SLC5A12: variants seen among roughly 807,000 people sequenced by gnomAD.
SLC5A12 encodes solute carrier family 5 member 12.
In SLC5A12, 46 loss-of-function variants were observed where a neutral mutation model predicts 72.7. The observed-to-expected ratio is 0.63, with a 90% CI of 0.50 to 0.81. The LOEUF (loss-of-function observed/expected upper bound fraction) is 0.81, where lower values mean the gene tolerates loss of function less well. Ranked by LOEUF, SLC5A12 falls within the 30% of genes least tolerant of loss-of-function variation. SLC5A12 has a pLI of 0.00. For missense variants in SLC5A12, 683 were observed against 740.7 expected (o/e 0.92, Z 0.90); for synonymous variants, 275 against 264.4 (o/e 1.04, Z -0.39).
chr11:26,680,393 TC>T lies in SLC5A12; in HGVS notation c.1475+661del, dbSNP rs1854380284. Among the ~76,000 whole-genome samples, 7 of 65,016 alleles carry T rather than the reference TC, an allele frequency of 1.1e-4. No individual in the cohort carries two copies. In the South Asian group the frequency reaches 4.2e-3, roughly 39 times the overall value. 42.7% of individuals were successfully genotyped at this position (65,016 alleles called of 152,430 possible). A position where few individuals can be genotyped will look rare whatever the true frequency, so the allele number is the denominator to read the frequency against. On this transcript the variant is annotated intron_variant, in intron 12 of 14. Coordinates refer to ENST00000396005, the MANE Select transcript of SLC5A12 (RefSeq NM_178498.4). ...TATTCATATATATATGTATATATAT[TC>T]ATATATATATATATATTTCCTCATT...
chr11:26,719,308 G>A (rs934104722), intron 1 of SLC5A12, among the ~76,000 whole-genome samples: 4 of 151,918 alleles, frequency 2.6e-5, no homozygotes, highest in African/African-American at 4.8e-5. Flanking sequence ...TGAGCATTAC[G>A]GCATTAAAAT....
intron 13 of SLC5A12, among the ~76,000 whole-genome samples, chr11:26,677,432 A>T (rs1386172020): frequency 6.6e-6 from 1 of 152,138 alleles, no homozygotes; most frequent in African/African-American, 2.4e-5. Context: ...ACATTTCCTG[A>T]TTTAGAAGGA....
chr11:26,685,195 G>C (rs1006939129), intron 10 of SLC5A12, among the ~76,000 whole-genome samples: 2 of 152,172 alleles, frequency 1.3e-5, no homozygotes, highest in African/African-American at 2.4e-5. Flanking sequence ...GATCAAGTAA[G>C]TTACACTGTT....
chr11:26,708,123 T>C (rs1348251523), intron 4 of SLC5A12, among the ~76,000 whole-genome samples: 2 of 152,066 alleles, frequency 1.3e-5, no homozygotes, highest in Non-Finnish European at 2.9e-5. Flanking sequence ...ATAATTAATA[T>C]ATTTTAAATT....
At chr11:26,683,700 A>G (rs1854459905) in intron 11 of SLC5A12, 57 bp downstream of exon 11, 2 of 1,428,020 alleles carry the variant, frequency 1.4e-6, no homozygotes, top group African/African-American at 1.4e-5. Flanking sequence ...GAGGAGAGAG[A>G]AAACGGCTGG....
chr11:26,689,518 A>G (rs1426205427), intron 9 of SLC5A12, among the ~76,000 whole-genome samples: 1 of 152,156 alleles, frequency 6.6e-6, no homozygotes, highest in African/African-American at 2.4e-5. Context: ...AGGGTGAGTG[A>G]GAGAAAAGAA....
At chr11:26,715,200 T>C (rs889232581) in intron 1 of SLC5A12, among the ~76,000 whole-genome samples, 1 of 152,168 alleles carries the variant, frequency 6.6e-6, no homozygotes, top group Non-Finnish European at 1.5e-5. Flanking sequence ...ATTTAATGAC[T>C]GCTGTGGTCT....
intron 4 of SLC5A12, among the ~76,000 whole-genome samples, chr11:26,705,922 TCATA>T (rs1160545933): frequency 1.7e-4 from 18 of 104,238 alleles, no homozygotes; most frequent in Non-Finnish European, 3.3e-4. Context: ...CTTTTCTCTG[TCATA>T]CACACACACA....
At chr11:26,708,705 C>A (rs1855148901) in intron 4 of SLC5A12, among the ~76,000 whole-genome samples, 1 of 151,952 alleles carries the variant, frequency 6.6e-6, no homozygotes, top group Non-Finnish European at 1.5e-5. Context: ...ACAATAGGTG[C>A]TCAATGAATG....
intron 13 of SLC5A12, among the ~76,000 whole-genome samples, chr11:26,676,876 A>AT (rs1287213822): frequency 6.6e-6 from 1 of 152,018 alleles, no homozygotes; most frequent in East Asian, 1.9e-4. Context: ...GAGGTGCCGT[A>AT]TTTTATCTGG....
At chr11:26,707,171 G>A (rs1332415180) in intron 4 of SLC5A12, among the ~76,000 whole-genome samples, 2 of 151,700 alleles carry the variant, frequency 1.3e-5, no homozygotes, top group African/African-American at 2.4e-5. Flanking sequence ...CACTGTTTCT[G>A]GTTTCCATTG....
At chr11:26,675,941 A>ATCTATCTGTGTGTGTGTG (rs1854254714) in intron 13 of SLC5A12, among the ~76,000 whole-genome samples, 1 of 146,092 alleles carries the variant, frequency 6.8e-6, no homozygotes, top group Non-Finnish European at 1.5e-5. Flanking sequence ...GTGTGTGTGT[A>ATCTATCTGTGTGTGTGTG]TCTATCTGTG....
chr11:26,688,085 G>A (rs1030573183), intron 9 of SLC5A12, among the ~76,000 whole-genome samples: 1 of 152,014 alleles, frequency 6.6e-6, no homozygotes, highest in Admixed American at 6.5e-5. Context: ...TTTTTGTGCC[G>A]ACTAGAGAAT....
intron 1 of SLC5A12, among the ~76,000 whole-genome samples, chr11:26,720,180 G>A (rs1855445206): frequency 6.6e-6 from 1 of 151,996 alleles, no homozygotes; most frequent in Non-Finnish European, 1.5e-5. Flanking sequence ...AATGCTTTAT[G>A]CCTAGGGCTA....
chr11:26,719,821 T>A (rs1265425457), intron 1 of SLC5A12, among the ~76,000 whole-genome samples: 4 of 152,208 alleles, frequency 2.6e-5, no homozygotes, highest in Non-Finnish European at 5.9e-5. Context: ...ACTTTACTTT[T>A]TCTCCATTTG....
intron 6 of SLC5A12, among the ~76,000 whole-genome samples, chr11:26,702,270 T>C (rs1185659705): frequency 9.8e-5 from 15 of 152,324 alleles, no homozygotes; most frequent in Non-Finnish European, 1.5e-5. Context: ...CGCCAGATAA[T>C]GCTTTTATTT....
intron 8 of SLC5A12, among the ~76,000 whole-genome samples, chr11:26,694,047 G>A (rs781497444): frequency 5.3e-5 from 8 of 152,138 alleles, no homozygotes; most frequent in Non-Finnish European, 1.0e-4. Context: ...TCCTTTGGGC[G>A]GGAGGGAGCA....
At chr11:26,706,285 G>A (rs998438106) in intron 4 of SLC5A12, among the ~76,000 whole-genome samples, 66 of 151,912 alleles carry the variant, frequency 4.3e-4, no homozygotes, top group African/African-American at 1.6e-3. Context: ...ACCAGGCTAA[G>A]GAGCTTATAA....
Position 26,669,126 on chromosome 11 carries a change from GT to G in SLC5A12, c.*1975del, listed in dbSNP as rs1208565332. ...ATTTATTCTCATCCTCAGAATTGCT[GT>G]TTTTTTATTCTTTCTGTCTCTCTCT... is the stretch of plus-strand genomic sequence containing the variant. On this transcript the variant is annotated 3_prime_UTR_variant, in exon 15 of 15. Transcript: ENST00000396005. The G allele has an allele frequency of 7.3e-6, 1 of 137,496 alleles. No individual in the cohort carries two copies. Among genetic ancestry groups the G allele is most frequent in the Non-Finnish European group, 1.6e-5 (1 of 62,118 alleles). The allele number at this position is 137,496 out of a possible 1,614,324, so 8.5% of individuals were successfully genotyped here.
Sources: allele counts gnomAD v4.1 joint callset (sites outside exome capture counted in the v4.1 genomes callset), GRCh38; gene constraint gnomAD v4.1.1; transcripts MANE v1.5; gene names NCBI Gene and HGNC (gene_info 2026-07-23, HGNC 2026-07-21).